The following GNG12 variants were observed in gnomAD, a reference collection of about 807,000 sequenced individuals.
The protein encoded by GNG12 is guanine nucleotide-binding protein G(I)/G(S)/G(O) subunit gamma-12.
For missense variants in GNG12, 69 were observed against 83.8 expected, an observed-to-expected ratio of 0.82 and a Z score of 0.69; for synonymous variants, 28 against 29.7, an observed-to-expected ratio of 0.94 and a Z score of 0.19.
intron 2 of GNG12, among the ~76,000 whole-genome samples, chr1:67,713,689 T>A (rs1407362721): frequency 1.3e-5 from 2 of 152,186 alleles, no homozygotes; most frequent in African/African-American, 4.8e-5. Context: ...GGCTCCCACT[T>A]ACTCTCTGGT....
chr1:67,814,208 G>T (rs1265825595), intron 1 of GNG12, among the ~76,000 whole-genome samples: 1 of 152,132 alleles, frequency 6.6e-6, no homozygotes, highest in East Asian at 1.9e-4. Context: ...TGCTTGCTTA[G>T]CAAACAGCTT....
At chr1:67,709,339 G>T (rs1304667431) in intron 2 of GNG12, among the ~76,000 whole-genome samples, 6 of 152,120 alleles carry the variant, frequency 3.9e-5, no homozygotes, top group Non-Finnish European at 8.8e-5. Context: ...CCAACAAGTG[G>T]TCAATGAGCC....
intron 2 of GNG12, among the ~76,000 whole-genome samples, chr1:67,747,434 T>G (rs1279753276): frequency 6.6e-6 from 1 of 152,196 alleles, no homozygotes; most frequent in South Asian, 2.1e-4. Context: ...AAAAATCTAT[T>G]GAGTGTTCGA....
At chr1:67,828,886 A>G (rs1157966095) in intron 1 of GNG12, among the ~76,000 whole-genome samples, 1 of 152,262 alleles carries the variant, frequency 6.6e-6, no homozygotes, top group Non-Finnish European at 1.5e-5. Context: ...AGGTTTTGAC[A>G]TTTAACCGAA....
rs114173897 is a variant in GNG12, at chr1:67,704,225, G to C, written c.*1226C>G. On this transcript the variant is annotated 3_prime_UTR_variant, in exon 4 of 4. Coordinates refer to ENST00000370982, the MANE Select transcript of GNG12 (RefSeq NM_018841.6). ...GTACCACTGAATCCAAGGCTCTCTTGGGTAGCCTATGTGCCTCTTGGATGG... is the reference window on the plus strand; with the variant it reads ...GTACCACTGAATCCAAGGCTCTCTTCGGTAGCCTATGTGCCTCTTGGATGG... The C allele has an allele frequency of 2.0e-5, 3 of 152,352 alleles. No homozygotes were observed. Among genetic ancestry groups the C allele is most frequent in the African/African-American group, 7.2e-5 (3 of 41,582 alleles). The allele number at this position is 152,352 out of a possible 1,614,324, so 9.4% of individuals were successfully genotyped here.
At chr1:67,826,005 T>C (rs963167655) in intron 1 of GNG12, among the ~76,000 whole-genome samples, 2 of 152,212 alleles carry the variant, frequency 1.3e-5, no homozygotes, top group African/African-American at 4.8e-5. Context: ...ATATAATCAG[T>C]ATTACTTTTT....
chr1:67,791,141 T>C (rs1377318638), intron 1 of GNG12, among the ~76,000 whole-genome samples: 2 of 151,334 alleles, frequency 1.3e-5, no homozygotes, highest in African/African-American at 2.4e-5. Flanking sequence ...TTTACTCCTG[T>C]GAACATGTAT....
intron 1 of GNG12, among the ~76,000 whole-genome samples, chr1:67,800,146 T>C (rs1388630360): frequency 2.0e-5 from 3 of 152,198 alleles, no homozygotes; most frequent in Non-Finnish European, 4.4e-5. Flanking sequence ...CTTTAACCCA[T>C]GCAGAGTTTT....
At position 67,714,561 on chromosome 1, in the gene GNG12, C is replaced by T. The variant is rs532901087; in HGVS notation, c.-26-6849G>A. Among the ~76,000 whole-genome samples the T allele has an allele frequency of 9.8e-5, 15 of 152,306 alleles. No homozygotes were observed. The East Asian group carries it at 2.9e-3, about 29-fold the overall frequency. On this transcript the variant is annotated intron_variant, in intron 2 of 3. Transcript: ENST00000370982. ...TTTCCGAGTGTTTAGTATCTGCATC[C>T]TCTTACACACTGTGTGAAGTACACC... is the stretch of plus-strand genomic sequence containing the variant.
chr1:67,750,080 C>T (rs1646529626), intron 2 of GNG12, among the ~76,000 whole-genome samples: 1 of 152,224 alleles, frequency 6.6e-6, no homozygotes, highest in Non-Finnish European at 1.5e-5. Flanking sequence ...AACAACCTAT[C>T]TTCCTTTAAA....
intron 2 of GNG12, among the ~76,000 whole-genome samples, chr1:67,711,713 G>A (rs894060991): frequency 3.9e-5 from 6 of 152,138 alleles, no homozygotes; most frequent in South Asian, 2.1e-4. Context: ...TCTTTAGGCC[G>A]ATAAGGGGAG....
rs145987166 is a variant in GNG12 at position 67,721,160 on chromosome 1, G to A, written c.-26-13448C>T. ...GAAGAAAAAAATTCCTGCCCTAAAA[G>A]AACTCACTGCTTTTAGGAGCAAACA... On this transcript the variant is annotated intron_variant, in intron 2 of 3. Coordinates refer to ENST00000370982, the MANE Select transcript of GNG12 (RefSeq NM_018841.6). Among the ~76,000 whole-genome samples, 118 of 152,280 alleles carry A rather than the reference G, an allele frequency of 7.7e-4. 2 individuals are homozygous for A. The highest frequency in any genetic ancestry group is 2.5e-3 in the African/African-American group (105 of 41,572).
At chr1:67,754,673 A>G (rs185090017) in intron 2 of GNG12, among the ~76,000 whole-genome samples, 12 of 152,226 alleles carry the variant, frequency 7.9e-5, no homozygotes, top group Admixed American at 3.3e-4. Flanking sequence ...CACAGTTTAG[A>G]TATCGCTTCC....
intron 1 of GNG12, among the ~76,000 whole-genome samples, chr1:67,808,412 T>C (rs535330205): frequency 1.3e-5 from 2 of 152,250 alleles, no homozygotes; most frequent in Admixed American, 6.5e-5. Flanking sequence ...GATGTCCCTC[T>C]CATCACTGCT....
intron 1 of GNG12, among the ~76,000 whole-genome samples, chr1:67,822,133 A>G (rs1646988262): frequency 6.6e-6 from 1 of 152,096 alleles, no homozygotes; most frequent in Non-Finnish European, 1.5e-5. Context: ...ATTGGGCCGC[A>G]TTCAAAGTCG....
At chr1:67,825,599 T>C (rs551540798) in intron 1 of GNG12, among the ~76,000 whole-genome samples, 227 of 152,354 alleles carry the variant, frequency 1.5e-3, no homozygotes, top group African/African-American at 5.3e-3. Context: ...GTACCTTTGA[T>C]AACAAGACTC....
chr1:67,832,923 C>A (rs1647057339), intron 1 of GNG12, among the ~76,000 whole-genome samples: 1 of 152,228 alleles, frequency 6.6e-6, no homozygotes, highest in African/African-American at 2.4e-5. Context: ...ACACTGGGGG[C>A]CTCCCAACCC....
At chr1:67,718,635 T>G (rs535238211) in intron 2 of GNG12, among the ~76,000 whole-genome samples, 4 of 151,764 alleles carry the variant, frequency 2.6e-5, no homozygotes, top group Non-Finnish European at 5.9e-5. Flanking sequence ...TGTCTTCTAT[T>G]TTACCTGAGT....
At chr1:67,772,228 T>C (rs753985585) in intron 2 of GNG12, among the ~76,000 whole-genome samples, 109 of 152,318 alleles carry the variant, frequency 7.2e-4, no homozygotes, top group Non-Finnish European at 1.2e-3. Flanking sequence ...TTGAAGTCTA[T>C]TCATAGTCTC....
Sources: gnomAD v4.1 joint callset for allele counts (sites outside exome capture counted in the v4.1 genomes callset) on GRCh38, gnomAD v4.1.1 for gene constraint, MANE v1.5 for transcripts, NCBI Gene and HGNC (gene_info 2026-07-23, HGNC 2026-07-21) for gene names.